The following FAM186B variants were observed in gnomAD, a reference collection of about 807,000 sequenced individuals.
The protein encoded by FAM186B is protein FAM186B.
Under a neutral mutation model 83.4 loss-of-function variants are expected in FAM186B, and 68 were observed. The observed-to-expected ratio is 0.81, with a 90% confidence interval of 0.67 to 1.00. The LOEUF is 1.00. FAM186B is among the 50% of genes least tolerant of loss of function. The pLI, the probability that FAM186B is intolerant of heterozygous loss-of-function variation, is 0.00. For synonymous variants in FAM186B, 389 were observed against 422.0 expected (o/e 0.92, Z 0.96); for missense variants, 983 against 1,099.2 (o/e 0.89, Z 1.49).
Position 49,599,949 on chromosome 12 carries a change from C to A in FAM186B, c.1691G>T (p.Ser564Ile), listed in dbSNP as rs1437381830. 2 of 1,613,894 alleles carry A rather than the reference C, an allele frequency of 1.2e-6. No individual in the cohort carries two copies. The highest frequency in any genetic ancestry group is 3.3e-5 in the Admixed American group (2 of 59,996). The change falls in exon 4 of 7, where the codon AGT becomes ATT. Residue 564 changes from serine to isoleucine, a missense_variant. Physicochemically the swap from Ser to Ile is moderately radical, Grantham distance 142. Coordinates refer to ENST00000257894, the MANE Select transcript of FAM186B (RefSeq NM_032130.3). ...DVERRIFTPT[S>I]RWRDLEKAEL... Reference sequence around the variant, plus strand: ...TGCCTTCTCCAAGTCCCTCCATCGACTGGTGGGTGTGAAGATCCTCCTCTC... The same window carrying A: ...TGCCTTCTCCAAGTCCCTCCATCGAATGGTGGGTGTGAAGATCCTCCTCTC...
chr12:49,609,479 A>G (rs1369118966), upstream of FAM186B, among the ~76,000 whole-genome samples: 1 of 152,166 alleles, frequency 6.6e-6, no homozygotes, highest in African/African-American at 2.4e-5. Context: ...CCCTTCCTGT[A>G]TAGAGACCAT....
Position 49,598,962 on chromosome 12 carries a change from GA to G in FAM186B, c.2172-16del. The G allele has an allele frequency of 6.2e-7, 1 of 1,612,884 alleles. No individual in the cohort carries two copies. The highest frequency in any genetic ancestry group is 8.5e-7 in the Non-Finnish European group (1 of 1,179,358). The stretch of plus-strand genomic sequence containing the variant: ...TCGCTTCTTGCCTGGGAAAAGAGGA[GA>G]AGCAATTTAGGGGGTGGAGAGGCCT... On this transcript the variant is annotated splice_polypyrimidine_tract_variant and intron_variant, in intron 4 of 6. Coordinates refer to ENST00000257894, the MANE Select transcript of FAM186B (RefSeq NM_032130.3).
chr12:49,588,399 G>C, intron 6 of FAM186B, 55 bp downstream of exon 6: 1 of 1,562,072 alleles, frequency 6.4e-7, no homozygotes, highest in Non-Finnish European at 8.7e-7. Flanking sequence ...GGTCACCCCT[G>C]CTCCCTGCCT....
At chr12:49,619,183 C>T in the FAM186B span, among the ~76,000 whole-genome samples, 1 of 152,184 alleles carries the variant, frequency 6.6e-6, no homozygotes, top group Non-Finnish European at 1.5e-5. Context: ...TAATTTACTG[C>T]TCCCTTTCTC....
upstream of FAM186B, among the ~76,000 whole-genome samples, chr12:49,609,442 C>T (rs1378373444): frequency 2.0e-5 from 3 of 152,202 alleles, no homozygotes; most frequent in Non-Finnish European, 2.9e-5. Flanking sequence ...CACCTGCTTG[C>T]CTGCATTTGC....
chr12:49,619,498 G>T, the FAM186B span: 3 of 684,542 alleles, frequency 4.4e-6, no homozygotes, highest in Non-Finnish European at 5.4e-6. Context: ...ATACTAAAAT[G>T]TTGCATCATC....
At chr12:49,583,250 C>CA (rs907636268), downstream of FAM186B, 1 of 345,844 alleles carries the variant, frequency 2.9e-6, no homozygotes, top group African/African-American at 2.1e-5. Context: ...AGTCTCATTA[C>CA]ATTTATAAAA....
chr12:49,587,904 G>C lies in FAM186B; in HGVS notation c.2535-152C>G. 3 of 885,160 alleles carry C rather than the reference G, an allele frequency of 3.4e-6. No homozygotes were observed. The South Asian group carries it at 5.4e-5, about 16-fold the overall frequency. 54.8% of individuals were successfully genotyped at this position (885,160 alleles called of 1,614,324 possible). On this transcript the variant is annotated intron_variant, in intron 6 of 6. Coordinates refer to ENST00000257894, the MANE Select transcript of FAM186B (RefSeq NM_032130.3). ...CCCTCCTCATCTCCCCTCCAACACT[G>C]AGTCTGAATCTCACTTCCTTGGGGC...
At chr12:49,595,994 ATAAAT>A (rs1403767392) in intron 5 of FAM186B, among the ~76,000 whole-genome samples, 1 of 152,212 alleles carries the variant, frequency 6.6e-6, no homozygotes, top group Non-Finnish European at 1.5e-5. Flanking sequence ...AAAAAAATAA[ATAAAT>A]AAAAATAAGA....
chr12:49,587,524 T>A lies in FAM186B; in HGVS notation c.*81A>T, dbSNP rs1939471631. 4 of 1,561,194 alleles carry A rather than the reference T, an allele frequency of 2.6e-6. No homozygotes were observed. The Middle Eastern group carries it at 5.1e-4, about 197-fold the overall frequency. ...TCATTGTTAAAGCCTGGAGAGAGAT[T>A]TATTGGGGAGAATCCACATTGACCA... On this transcript the variant is annotated 3_prime_UTR_variant, in exon 7 of 7. Transcript: ENST00000257894.
chr12:49,616,354 T>A, the FAM186B span, among the ~76,000 whole-genome samples: 1 of 152,146 alleles, frequency 6.6e-6, no homozygotes, highest in African/African-American at 2.4e-5. Context: ...AAATATGCAT[T>A]AGCATATAGC....
chr12:49,597,253 G>A (rs181882715), intron 5 of FAM186B, among the ~76,000 whole-genome samples: 27 of 152,226 alleles, frequency 1.8e-4, no homozygotes, highest in African/African-American at 5.8e-4. Context: ...ATGCATAACT[G>A]TATATACAGT....
At chr12:49,591,472 C>A (rs1035996651) in intron 5 of FAM186B, among the ~76,000 whole-genome samples, 1 of 152,106 alleles carries the variant, frequency 6.6e-6, no homozygotes, top group African/African-American at 2.4e-5. Context: ...TCTTTCAAAA[C>A]TGAAAGCTGA....
At position 49,600,011 on chromosome 12, in the gene FAM186B, G is replaced by C. The variant is rs1412619572; in HGVS notation, c.1629C>G (p.Ser543Arg). The C allele has an allele frequency of 6.2e-7, 1 of 1,609,892 alleles. No homozygotes were observed. Among genetic ancestry groups the C allele is most frequent in the Non-Finnish European group, 8.5e-7 (1 of 1,178,214 alleles). ...RWVQLEKEQESPRREPEQLGE... is the reference protein window; with the variant it reads ...RWVQLEKEQERPRREPEQLGE... Reference sequence around the variant, plus strand: ...CTAGCTGCTCTGGCTCTCTCCGTGGGCTCTCCTGCTCCTTTTCTAGCTGGA... The same window carrying C: ...CTAGCTGCTCTGGCTCTCTCCGTGGCCTCTCCTGCTCCTTTTCTAGCTGGA... Residue 543 changes from serine to arginine, a missense_variant, in exon 4 of 7, where the codon AGC becomes AGG. By Grantham distance (110) the Ser-to-Arg change is moderately radical (BLOSUM62 -1). Transcript: ENST00000257894. This position sits in a 1 kb window ranked among gnomAD's most constrained non-coding sequence, Gnocchi z 4.3.
chr12:49,584,184 T>C (rs1179120739), downstream of FAM186B: 1 of 323,340 alleles, frequency 3.1e-6, no homozygotes, highest in African/African-American at 2.1e-5. Context: ...CAATCACAGC[T>C]ATCTCGGCAT....
Position 49,599,767 on chromosome 12 carries a change from C to T in FAM186B, c.1873G>A (p.Val625Ile), listed in dbSNP as rs1939825147. 5 of 1,613,980 alleles carry T rather than the reference C, an allele frequency of 3.1e-6. No homozygotes were observed. Among genetic ancestry groups the T allele is most frequent in the African/African-American group, 1.3e-5 (1 of 74,908 alleles). Residue 625 changes from valine to isoleucine, a missense_variant, in exon 4 of 7, where the codon GTT becomes ATT. By Grantham distance (29) the Val-to-Ile change is conservative. Transcript: ENST00000257894. Reference sequence around the variant, plus strand: ...GCAGATTTCTTGGGCTTTGTGGGAACTCGGCGGGTCCGTGGTCTGTAGGTA... The same window carrying T: ...GCAGATTTCTTGGGCTTTGTGGGAATTCGGCGGGTCCGTGGTCTGTAGGTA... ...EFTYRPRTRRVPTKPKKSASF... is the reference protein window; with the variant it reads ...EFTYRPRTRRIPTKPKKSASF...
chr12:49,597,065 G>C (rs1253707559), intron 5 of FAM186B, among the ~76,000 whole-genome samples: 1 of 152,186 alleles, frequency 6.6e-6, no homozygotes, highest in Non-Finnish European at 1.5e-5. Context: ...ACTGCCTAGA[G>C]TATTCAGAAT....
Position 49,598,738 on chromosome 12 carries a change from C to A in FAM186B, c.2364+17G>T. ...CCAGGAGGCGGAGTGGCGGGGGGGT[C>A]AGGGCGGGAGGCCCACCTTGGGGAA... On this transcript the variant is annotated intron_variant, in intron 5 of 6. Coordinates refer to ENST00000257894, the MANE Select transcript of FAM186B (RefSeq NM_032130.3). 1 of 1,539,476 alleles carries A rather than the reference C, an allele frequency of 6.5e-7. No individual in the cohort carries two copies. Among genetic ancestry groups the A allele is most frequent in the Non-Finnish European group, 8.7e-7 (1 of 1,146,286 alleles).
Position 49,600,257 on chromosome 12 carries a change from C to T in FAM186B, c.1383G>A (p.Lys461=). ...GGLQIKFHCS[K]QLSLESSRQV... is the part of the protein sequence containing the mutation. Reference sequence around the variant, plus strand: ...GCCTGGAGCTCTCTAGAGACAGCTGCTTGCTACAGTGGAACTTAATTTGGA... The same window carrying T: ...GCCTGGAGCTCTCTAGAGACAGCTGTTTGCTACAGTGGAACTTAATTTGGA... The change falls in exon 4 of 7, where the codon AAG becomes AAA. Residue 461 remains lysine (K), a synonymous_variant. Coordinates refer to ENST00000257894, the MANE Select transcript of FAM186B (RefSeq NM_032130.3). The surrounding 1 kb of genome is among the most constrained non-coding windows in gnomAD (Gnocchi z 4.3). The T allele has an allele frequency of 1.9e-6, 3 of 1,614,010 alleles. No homozygotes were observed. Among genetic ancestry groups the T allele is most frequent in the Non-Finnish European group, 2.5e-6 (3 of 1,179,944 alleles).
Sources: allele counts gnomAD v4.1 joint callset (sites outside exome capture counted in the v4.1 genomes callset), GRCh38; gene constraint gnomAD v4.1.1; non-coding constraint Gnocchi (gnomAD v3.1); transcripts MANE v1.5; gene names NCBI Gene and HGNC (gene_info 2026-07-23, HGNC 2026-07-21).